LIN52: variants seen among roughly 807,000 people sequenced by gnomAD.
LIN52 encodes the protein lin-52 DREAM MuvB core complex component.
A neutral mutation model predicts 18.5 loss-of-function variants in LIN52; 4 were observed. The ratio of observed to expected loss-of-function variants is 0.22; its 90% CI spans 0.11 to 0.49. The LOEUF (loss-of-function observed/expected upper bound fraction) is 0.49, where lower values mean the gene tolerates loss of function less well. Ranked by LOEUF, LIN52 falls within the 20% of genes least tolerant of loss-of-function variation. The probability of loss-of-function intolerance (pLI) is 0.97; values close to 1 mark genes in which losing one functional copy is unlikely to be tolerated. For synonymous variants in LIN52, 34 were observed against 45.5 expected (o/e 0.75, Z 1.02); for missense variants, 102 against 139.5 (o/e 0.73, Z 1.35).
chr14:74,142,733 T>G (rs2061136845), intron 5 of LIN52, among the ~76,000 whole-genome samples: 2 of 150,558 alleles, frequency 1.3e-5, no homozygotes, highest in African/African-American at 4.9e-5. Flanking sequence ...GTTTTTTACG[T>G]TTTTATGGGG....
At chr14:74,182,796 C>T (rs992137438) in intron 5 of LIN52, among the ~76,000 whole-genome samples, 5 of 152,138 alleles carry the variant, frequency 3.3e-5, no homozygotes, top group African/African-American at 9.7e-5. Context: ...TCTCCACTTG[C>T]CAGCAAATTT....
intron 5 of LIN52, among the ~76,000 whole-genome samples, chr14:74,116,728 A>AG (rs1036823152): frequency 6.6e-6 from 1 of 151,654 alleles, no homozygotes; most frequent in African/African-American, 2.4e-5. Context: ...AAAAAAGAAA[A>AG]GAAAAAAAGC....
chr14:74,104,550 G>A (rs1331819720), intron 5 of LIN52, among the ~76,000 whole-genome samples: 1 of 148,018 alleles, frequency 6.8e-6, no homozygotes. Context: ...TTTTTTATCT[G>A]CTGATTGTTA....
At chr14:74,165,018 G>A (rs1595181652) in intron 5 of LIN52, among the ~76,000 whole-genome samples, 1 of 152,116 alleles carries the variant, frequency 6.6e-6, no homozygotes, top group Non-Finnish European at 1.5e-5. Flanking sequence ...GACAGACATA[G>A]TCGATTCTGT....
At chr14:74,106,132 A>G (rs926776569) in intron 5 of LIN52, among the ~76,000 whole-genome samples, 1 of 152,222 alleles carries the variant, frequency 6.6e-6, no homozygotes, top group African/African-American at 2.4e-5. Context: ...GCCTTAGCAT[A>G]TGAAGAATTC....
chr14:74,196,039 T>C (rs1306984081), intron 5 of LIN52, among the ~76,000 whole-genome samples: 2 of 152,170 alleles, frequency 1.3e-5, no homozygotes, highest in Non-Finnish European at 2.9e-5. Flanking sequence ...GTGTCATACA[T>C]TCGTATATCT....
chr14:74,135,853 T>A (rs984321581), intron 5 of LIN52, among the ~76,000 whole-genome samples: 4 of 152,146 alleles, frequency 2.6e-5, no homozygotes, highest in Non-Finnish European at 4.4e-5. Context: ...ACATTTTTTT[T>A]AATAACACTT....
At chr14:74,139,516 G>A (rs2061117036) in intron 5 of LIN52, among the ~76,000 whole-genome samples, 1 of 152,158 alleles carries the variant, frequency 6.6e-6, no homozygotes, top group South Asian at 2.1e-4. Context: ...AACATCTCCT[G>A]TTAAAGGATC....
intron 5 of LIN52, among the ~76,000 whole-genome samples, chr14:74,164,253 T>C (rs11625400): frequency 0.49 from 73,962 of 151,188 alleles, 18,698 homozygotes; most frequent in Non-Finnish European, 0.53. Flanking sequence ...AGTGCTGGGA[T>C]TACAGGCGTG....
intron 1 of LIN52, among the ~76,000 whole-genome samples, chr14:74,089,099 G>A (rs1394416662): frequency 6.6e-6 from 1 of 152,148 alleles, no homozygotes; most frequent in Non-Finnish European, 1.5e-5. Context: ...AAGAATGGGA[G>A]CAGAGAGATC....
At chr14:74,097,761 A>G (rs759440857) in intron 3 of LIN52, 33 bp from the exon 4 acceptor site, 1 of 1,488,794 alleles carries the variant, frequency 6.7e-7, no homozygotes, top group Admixed American at 1.7e-5. Context: ...CACACTTTTT[A>G]TGTGTCTGAA....
chr14:74,089,594 G>T (rs553711673), intron 1 of LIN52, among the ~76,000 whole-genome samples: 3 of 151,686 alleles, frequency 2.0e-5, no homozygotes, highest in Non-Finnish European at 2.9e-5. Context: ...TCTCAAACTC[G>T]TGAGCTCAAG....
intron 5 of LIN52, among the ~76,000 whole-genome samples, chr14:74,118,863 T>C (rs1267582856): frequency 6.6e-6 from 1 of 152,204 alleles, no homozygotes; most frequent in Non-Finnish European, 1.5e-5. Context: ...AAAGCATTAC[T>C]GTGACTTATA....
chr14:74,147,361 A>G (rs1014255949), intron 5 of LIN52, among the ~76,000 whole-genome samples: 1 of 152,222 alleles, frequency 6.6e-6, no homozygotes, highest in Non-Finnish European at 1.5e-5. Context: ...GGACCTAAAT[A>G]TAAGAGCTGA....
At chr14:74,104,386 G>T (rs999927999) in intron 5 of LIN52, among the ~76,000 whole-genome samples, 2 of 151,926 alleles carry the variant, frequency 1.3e-5, no homozygotes, top group Non-Finnish European at 2.9e-5. Context: ...TATTTGATAT[G>T]TCTCTGAAAT....
intron 1 of LIN52, among the ~76,000 whole-genome samples, chr14:74,088,667 G>T (rs948320835): frequency 2.6e-5 from 4 of 152,106 alleles, no homozygotes; most frequent in Non-Finnish European, 4.4e-5. Context: ...TGGAATATTT[G>T]GCAAAACAAA....
intron 5 of LIN52, among the ~76,000 whole-genome samples, chr14:74,156,535 A>G (rs1182628182): frequency 6.6e-6 from 1 of 152,170 alleles, no homozygotes; most frequent in Non-Finnish European, 1.5e-5. Flanking sequence ...ATAATTGCAC[A>G]TATTTGTGAG....
intron 5 of LIN52, among the ~76,000 whole-genome samples, chr14:74,166,320 G>A (rs2061249826): frequency 6.6e-6 from 1 of 151,958 alleles, no homozygotes; most frequent in Non-Finnish European, 1.5e-5. Flanking sequence ...GACTTCAAGC[G>A]ATTCTCCTGT....
At chr14:74,175,711 TACACACACACACACACACAC>T (rs35602442) in intron 5 of LIN52, among the ~76,000 whole-genome samples, 3 of 86,324 alleles carry the variant, frequency 3.5e-5, no homozygotes, top group African/African-American at 7.5e-5. Context: ...CACAGACACA[TACACACACACACACACACAC>T]ACACACACAC....
Sources: allele counts gnomAD v4.1 joint callset (sites outside exome capture counted in the v4.1 genomes callset), GRCh38; gene constraint gnomAD v4.1.1; transcripts MANE v1.5; gene names NCBI Gene and HGNC (gene_info 2026-07-23, HGNC 2026-07-21).